BMPR1B: variants seen among roughly 807,000 people sequenced by gnomAD.
The protein encoded by BMPR1B is bone morphogenetic protein receptor type 1B.
A neutral mutation model predicts 59.1 loss-of-function variants in BMPR1B; 12 were observed. The ratio of observed to expected loss-of-function variants is 0.20; its 90% CI spans 0.13 to 0.33. The LOEUF is 0.33. BMPR1B is among the 10% of genes least tolerant of loss of function. BMPR1B has a pLI of 1.00. For missense variants in BMPR1B, 550 were observed against 610.9 expected (o/e 0.90, Z 1.05); for synonymous variants, 237 against 207.3 (o/e 1.14, Z -1.23).
At chr4:94,761,791 T>C (rs1163938581) in intron 1 of BMPR1B, among the ~76,000 whole-genome samples, 1 of 152,126 alleles carries the variant, frequency 6.6e-6, no homozygotes, top group African/African-American at 2.4e-5. Flanking sequence ...GCCTTAGAGA[T>C]ACTATTAATA....
At chr4:95,132,397 A>C (rs1435872104) in intron 10 of BMPR1B, among the ~76,000 whole-genome samples, 1 of 152,200 alleles carries the variant, frequency 6.6e-6, no homozygotes, top group African/African-American at 2.4e-5. Flanking sequence ...AAATTCACAA[A>C]AAAAGACTGA....
intron 1 of BMPR1B, among the ~76,000 whole-genome samples, chr4:94,816,563 C>CTGCATTAT (rs1285514836): frequency 2.2e-4 from 33 of 152,226 alleles, no homozygotes; most frequent in Non-Finnish European, 4.7e-4. Flanking sequence ...ATTAGTATTT[C>CTGCATTAT]TGCATTATTG....
intron 2 of BMPR1B, among the ~76,000 whole-genome samples, chr4:94,980,253 T>C (rs555432084): frequency 6.6e-6 from 1 of 152,320 alleles, no homozygotes; most frequent in South Asian, 2.1e-4. Context: ...TAACTATAGT[T>C]TGAATGATTT....
intron 3 of BMPR1B, among the ~76,000 whole-genome samples, chr4:95,033,132 G>T: frequency 6.6e-6 from 1 of 151,990 alleles, no homozygotes; most frequent in East Asian, 1.9e-4. Context: ...CTTTTTAACT[G>T]GGTTGTTCAT....
intron 3 of BMPR1B, among the ~76,000 whole-genome samples, chr4:95,063,569 T>G (rs185169249): frequency 1.1e-4 from 16 of 152,256 alleles, no homozygotes; most frequent in Non-Finnish European, 1.5e-4. Context: ...TATCTTTTCT[T>G]CTAGCAGCTA....
At chr4:94,832,495 G>T (rs945135044) in intron 1 of BMPR1B, among the ~76,000 whole-genome samples, 1 of 152,128 alleles carries the variant, frequency 6.6e-6, no homozygotes. Context: ...GAAAGGTAGT[G>T]TAGCAGCCGA....
intron 2 of BMPR1B, among the ~76,000 whole-genome samples, chr4:94,909,872 G>A (rs72671205): frequency 0.017 from 2,593 of 152,068 alleles, 28 homozygotes; most frequent in Non-Finnish European, 0.027. Flanking sequence ...TGGGATCCCT[G>A]GAATGTTAAT....
chr4:95,157,991 A>G lies in BMPR1B; in HGVS notation c.*3318A>G, dbSNP rs972072375. 6 of 152,216 alleles carry G rather than the reference A, an allele frequency of 3.9e-5. No homozygotes were observed. The highest frequency in any genetic ancestry group is 7.3e-5 in the Non-Finnish European group (5 of 68,038). The allele number at this position is 152,216 out of a possible 1,614,324, so 9.4% of individuals were successfully genotyped here. ...AATAATGACTGAATTTCATGTTCCT[A>G]CAGTCATACATATTCATTAGAAGTT... On this transcript the variant is annotated 3_prime_UTR_variant, in exon 13 of 13. Coordinates refer to ENST00000515059, the MANE Select transcript of BMPR1B (RefSeq NM_001203.3).
chr4:94,872,238 G>C (rs934774505), intron 1 of BMPR1B, among the ~76,000 whole-genome samples: 2 of 151,882 alleles, frequency 1.3e-5, no homozygotes, highest in East Asian at 3.9e-4. Flanking sequence ...AGTATGGCTT[G>C]GAAATTCAGA....
chr4:94,897,551 T>C (rs1727633010), intron 2 of BMPR1B, among the ~76,000 whole-genome samples: 1 of 152,096 alleles, frequency 6.6e-6, no homozygotes, highest in Non-Finnish European at 1.5e-5. Context: ...TTAGCTATAA[T>C]CTTACATATT....
At chr4:94,815,969 A>G (rs1284894707) in intron 1 of BMPR1B, among the ~76,000 whole-genome samples, 2 of 152,084 alleles carry the variant, frequency 1.3e-5, no homozygotes, top group African/African-American at 4.8e-5. Flanking sequence ...AAAAATGAAT[A>G]TGTTTTTCAT....
chr4:95,077,619 T>TTAA (rs1336343028), intron 3 of BMPR1B, among the ~76,000 whole-genome samples: 2 of 152,200 alleles, frequency 1.3e-5, no homozygotes, highest in Non-Finnish European at 2.9e-5. Context: ...TGATATTTCC[T>TTAA]ATGTATGCTC....
At position 94,852,557 on chromosome 4, in the gene BMPR1B, C is replaced by A. The variant is rs1725607292; in HGVS notation, c.-182-23274C>A. On this transcript the variant is annotated intron_variant, in intron 1 of 12. Coordinates refer to ENST00000515059, the MANE Select transcript of BMPR1B (RefSeq NM_001203.3). ...CAAAAGTACATTATTGGTTTTCTTACATTTATGTCCTTGCCCATTCATTAT... is the reference window on the plus strand; with the variant it reads ...CAAAAGTACATTATTGGTTTTCTTAAATTTATGTCCTTGCCCATTCATTAT... Among the ~76,000 whole-genome samples the A allele has an allele frequency of 1.3e-5, 2 of 152,032 alleles. 1 individual carries two copies. The highest frequency in any genetic ancestry group is 4.1e-4 in the South Asian group (2 of 4,826).
At chr4:95,050,912 C>T (rs760654448) in intron 3 of BMPR1B, among the ~76,000 whole-genome samples, 21 of 152,000 alleles carry the variant, frequency 1.4e-4, no homozygotes, top group Non-Finnish European at 2.5e-4. Flanking sequence ...AATGAAACGT[C>T]ACAAAAATGG....
chr4:94,891,849 CA>C (rs1727407987), intron 2 of BMPR1B, among the ~76,000 whole-genome samples: 1 of 152,050 alleles, frequency 6.6e-6, no homozygotes, highest in Non-Finnish European at 1.5e-5. Context: ...TTTATTCATT[CA>C]TTCAGCATTT....
chr4:95,021,667 T>G (rs1331972466), intron 3 of BMPR1B, among the ~76,000 whole-genome samples: 2 of 152,212 alleles, frequency 1.3e-5, no homozygotes, highest in African/African-American at 2.4e-5. Flanking sequence ...ATGCAAAATG[T>G]TAAGTTGTGT....
At chr4:95,102,269 A>G (rs1214686235) in intron 3 of BMPR1B, among the ~76,000 whole-genome samples, 1 of 152,208 alleles carries the variant, frequency 6.6e-6, no homozygotes, top group African/African-American at 2.4e-5. Flanking sequence ...TCACATGAGG[A>G]TATTTTCTTT....
intron 3 of BMPR1B, among the ~76,000 whole-genome samples, chr4:95,084,773 T>G (rs371489232): frequency 6.6e-6 from 1 of 152,228 alleles, no homozygotes; most frequent in Non-Finnish European, 1.5e-5. Flanking sequence ...TTCCATAATC[T>G]AATTCATTCA....
At chr4:95,125,149 A>G in intron 8 of BMPR1B, 28 bp downstream of exon 8, 1 of 1,612,854 alleles carries the variant, frequency 6.2e-7, no homozygotes, top group Non-Finnish European at 8.5e-7. Context: ...CTTGAATTTA[A>G]AGGAAATGTT....
Sources: allele counts gnomAD v4.1 joint callset (sites outside exome capture counted in the v4.1 genomes callset), GRCh38; gene constraint gnomAD v4.1.1; transcripts MANE v1.5; gene names NCBI Gene and HGNC (gene_info 2026-07-23, HGNC 2026-07-21).